The following NTNG1 variants were observed in gnomAD, a reference collection of about 807,000 sequenced individuals.
NTNG1 encodes the protein netrin-G1.
In NTNG1, 16 loss-of-function variants were observed where a neutral mutation model predicts 54.0. The observed-to-expected ratio is 0.30, with a 90% CI of 0.20 to 0.45. The LOEUF is 0.45. Among genes scored for constraint, NTNG1 ranks in the 20% least tolerant of loss-of-function variants. The pLI, the probability that NTNG1 is intolerant of heterozygous loss-of-function variation, is 1.00. For synonymous variants in NTNG1, 255 were observed against 263.1 expected (o/e 0.97, Z 0.30); for missense variants, 530 against 678.7 (o/e 0.78, Z 2.43).
At chr1:107,332,375 G>T (rs1490007156) in intron 3 of NTNG1, among the ~76,000 whole-genome samples, 1 of 152,004 alleles carries the variant, frequency 6.6e-6, no homozygotes, top group African/African-American at 2.4e-5. Context: ...GGATATTTAA[G>T]CAAAATACCA....
At chr1:107,311,654 C>G (rs1184113464) in intron 2 of NTNG1, among the ~76,000 whole-genome samples, 1 of 152,046 alleles carries the variant, frequency 6.6e-6, no homozygotes, top group Admixed American at 6.6e-5. Flanking sequence ...CCATCTTATC[C>G]CACACTTCCA....
intron 2 of NTNG1, among the ~76,000 whole-genome samples, chr1:107,206,410 G>T (rs981355977): frequency 2.6e-5 from 4 of 151,874 alleles, no homozygotes; most frequent in Non-Finnish European, 4.4e-5. Context: ...ATCTTTTTAC[G>T]TTTACTGGCC....
At chr1:107,206,470 C>A (rs939384488) in intron 2 of NTNG1, among the ~76,000 whole-genome samples, 5 of 152,030 alleles carry the variant, frequency 3.3e-5, no homozygotes, top group African/African-American at 1.2e-4. Context: ...GTCTATCTTT[C>A]TAGCTAGACT....
At chr1:107,319,717 A>T in intron 2 of NTNG1, among the ~76,000 whole-genome samples, 1 of 152,116 alleles carries the variant, frequency 6.6e-6, no homozygotes, top group East Asian at 1.9e-4. Context: ...CTTGGCATGT[A>T]GCTTACAGTT....
intron 2 of NTNG1, among the ~76,000 whole-genome samples, chr1:107,297,168 T>TAA (rs1481462857): frequency 7.2e-6 from 1 of 139,804 alleles, no homozygotes; most frequent in Non-Finnish European, 1.5e-5. Context: ...ATCATATATA[T>TAA]AACATCATAT....
intron 3 of NTNG1, among the ~76,000 whole-genome samples, chr1:107,329,823 C>T (rs940960531): frequency 1.3e-5 from 2 of 151,820 alleles, no homozygotes; most frequent in East Asian, 1.9e-4. Flanking sequence ...TGATGGTAGA[C>T]AGACGAAGAT....
At chr1:107,313,520 T>C (rs1439134095) in intron 2 of NTNG1, among the ~76,000 whole-genome samples, 2 of 152,136 alleles carry the variant, frequency 1.3e-5, no homozygotes, top group African/African-American at 4.8e-5. Context: ...GTGTAAGTGA[T>C]AGTTGAAGCT....
intron 2 of NTNG1, among the ~76,000 whole-genome samples, chr1:107,241,433 AGTTAATGTTCTGTATAAT>A (rs1290429417): frequency 6.6e-6 from 1 of 152,224 alleles, no homozygotes; most frequent in African/African-American, 2.4e-5. Context: ...AATTGCCTTC[AGTTAATGTTCTGTATAAT>A]GTCCAAATAT....
chr1:107,423,069 A>T (rs1257134397), intron 5 of NTNG1, among the ~76,000 whole-genome samples: 1 of 151,954 alleles, frequency 6.6e-6, no homozygotes, highest in Non-Finnish European at 1.5e-5. Context: ...CTTAGAGGGG[A>T]CTTGGTCCTT....
chr1:107,295,908 A>G (rs1025781411), intron 2 of NTNG1, among the ~76,000 whole-genome samples: 1 of 152,088 alleles, frequency 6.6e-6, no homozygotes, highest in African/African-American at 2.4e-5. Context: ...TTACTGCCAT[A>G]TTTGTCCCTG....
chr1:107,218,665 C>T (rs533421130), intron 2 of NTNG1, among the ~76,000 whole-genome samples: 18 of 152,284 alleles, frequency 1.2e-4, no homozygotes, highest in African/African-American at 3.4e-4. Context: ...GGCAAATTCT[C>T]TCAGCATTTG....
At chr1:107,228,969 G>A (rs1660873411) in intron 2 of NTNG1, among the ~76,000 whole-genome samples, 1 of 152,118 alleles carries the variant, frequency 6.6e-6, no homozygotes, top group African/African-American at 2.4e-5. Flanking sequence ...TAACTTCTCA[G>A]TGAAGCAAGA....
At chr1:107,356,020 G>C (rs774770258) in intron 3 of NTNG1, among the ~76,000 whole-genome samples, 6 of 152,126 alleles carry the variant, frequency 3.9e-5, no homozygotes, top group Non-Finnish European at 8.8e-5. Flanking sequence ...ATTTTGGGCT[G>C]TTTTACCTTC....
chr1:107,430,404 T>A (rs898573313), intron 5 of NTNG1, among the ~76,000 whole-genome samples: 1 of 151,986 alleles, frequency 6.6e-6, no homozygotes, highest in African/African-American at 2.4e-5. Flanking sequence ...ACACTAAAAT[T>A]CTCCATCTGC....
chr1:107,453,555 G>A (rs898841502), intron 7 of NTNG1, among the ~76,000 whole-genome samples: 1 of 152,154 alleles, frequency 6.6e-6, no homozygotes, highest in African/African-American at 2.4e-5. Context: ...CTCCCAGGGG[G>A]TTTCTTCGGT....
At chr1:107,451,323 CAT>C (rs1239525731) in intron 7 of NTNG1, among the ~76,000 whole-genome samples, 7 of 152,026 alleles carry the variant, frequency 4.6e-5, no homozygotes, top group Non-Finnish European at 7.4e-5. Flanking sequence ...AATTTCACCA[CAT>C]GTCACACTGC....
chr1:107,174,755 T>C (rs548352274), intron 2 of NTNG1, among the ~76,000 whole-genome samples: 16 of 151,976 alleles, frequency 1.1e-4, no homozygotes, highest in African/African-American at 3.4e-4. Flanking sequence ...TTTTTTTTTT[T>C]AGTTGTCTAC....
chr1:107,273,043 C>T (rs1225004492), intron 2 of NTNG1, among the ~76,000 whole-genome samples: 4 of 152,192 alleles, frequency 2.6e-5, no homozygotes, highest in African/African-American at 9.7e-5. Flanking sequence ...CAATAATATA[C>T]TATTTCTTAG....
At chr1:107,334,342 AC>A (rs1668453156) in intron 3 of NTNG1, among the ~76,000 whole-genome samples, 1 of 151,954 alleles carries the variant, frequency 6.6e-6, no homozygotes, top group African/African-American at 2.4e-5. Flanking sequence ...GGCCGCTTTT[AC>A]TCATTTGGTG....
Sources: gnomAD v4.1 joint callset for allele counts (sites outside exome capture counted in the v4.1 genomes callset) on GRCh38, gnomAD v4.1.1 for gene constraint, MANE v1.5 for transcripts, NCBI Gene and HGNC (gene_info 2026-07-23, HGNC 2026-07-21) for gene names.